Variants in ITGBL1 observed in about 807,000 individuals in gnomAD.
ITGBL1 encodes the protein integrin subunit beta like 1.
A neutral mutation model predicts 68.5 loss-of-function variants in ITGBL1; 51 were observed. The observed-to-expected ratio is 0.74, with a 90% CI of 0.59 to 0.94. ITGBL1 has a LOEUF of 0.94. Among genes scored for constraint, ITGBL1 ranks in the 40% least tolerant of loss-of-function variants. ITGBL1 has a pLI of 0.00. For synonymous variants in ITGBL1, 209 were observed against 227.3 expected, an observed-to-expected ratio of 0.92 and a Z score of 0.72; for missense variants, 649 against 647.4, an observed-to-expected ratio of 1.00 and a Z score of -0.03.
chr13:101,640,786 C>A (rs1034287877), intron 7 of ITGBL1, among the ~76,000 whole-genome samples: 1 of 152,094 alleles, frequency 6.6e-6, no homozygotes, highest in African/African-American at 2.4e-5. Context: ...CCCTCTCTCC[C>A]TTTCTAGTAG....
chr13:101,468,576 T>C (rs1439838853), intron 2 of ITGBL1, among the ~76,000 whole-genome samples: 17 of 152,198 alleles, frequency 1.1e-4, no homozygotes, highest in Admixed American at 1.1e-3. Flanking sequence ...AAAGCACATA[T>C]GTAGGGATAA....
intron 2 of ITGBL1, among the ~76,000 whole-genome samples, chr13:101,543,105 T>A (rs531212659): frequency 6.6e-6 from 1 of 152,108 alleles, no homozygotes; most frequent in Non-Finnish European, 1.5e-5. Context: ...TCATTATGAT[T>A]TTAGCTGGTT....
chr13:101,639,073 A>G (rs2139425905), intron 7 of ITGBL1, among the ~76,000 whole-genome samples: 1 of 152,310 alleles, frequency 6.6e-6, no homozygotes, highest in Non-Finnish European at 1.5e-5. Flanking sequence ...TTTCTCTCAG[A>G]AACGCCCCAG....
intron 2 of ITGBL1, among the ~76,000 whole-genome samples, chr13:101,531,626 C>A (rs2139160990): frequency 6.7e-6 from 1 of 150,332 alleles, no homozygotes; most frequent in Non-Finnish European, 1.5e-5. Context: ...AGGGGATTTA[C>A]TTTATTTCTT....
intron 9 of ITGBL1, chr13:101,711,085 A>G (rs1378265980): frequency 6.6e-6 from 1 of 152,232 alleles, no homozygotes; most frequent in African/African-American, 2.4e-5. Context: ...AGATGAGGTT[A>G]GTGCAGTGCC....
intron 2 of ITGBL1, among the ~76,000 whole-genome samples, chr13:101,525,637 C>T (rs1243329589): frequency 6.6e-6 from 1 of 151,756 alleles, no homozygotes; most frequent in Non-Finnish European, 1.5e-5. Flanking sequence ...AAGAGAAATG[C>T]ATTACTCCCA....
chr13:101,490,286 G>T (rs889335991), intron 2 of ITGBL1, among the ~76,000 whole-genome samples: 4 of 152,176 alleles, frequency 2.6e-5, no homozygotes, highest in African/African-American at 9.7e-5. Context: ...CCCTCACCAA[G>T]AACTGAATCT....
At chr13:101,693,624 GTCTA>G (rs71125018) in intron 8 of ITGBL1, among the ~76,000 whole-genome samples, 24,092 of 146,010 alleles carry the variant, frequency 0.17, 2,249 homozygotes, top group African/African-American at 0.25. Flanking sequence ...CTGTCTGTCT[GTCTA>G]TCTATCTATC....
intron 7 of ITGBL1, among the ~76,000 whole-genome samples, chr13:101,624,014 C>G (rs1006697547): frequency 6.6e-6 from 1 of 152,136 alleles, no homozygotes; most frequent in African/African-American, 2.4e-5. Context: ...TATACAATCT[C>G]TTATATTCAT....
At chr13:101,706,133 C>G (rs2139586088) in intron 8 of ITGBL1, among the ~76,000 whole-genome samples, 1 of 152,188 alleles carries the variant, frequency 6.6e-6, no homozygotes, top group African/African-American at 2.4e-5. Flanking sequence ...AGATAAACAT[C>G]TGAAAAACCA....
intron 2 of ITGBL1, among the ~76,000 whole-genome samples, chr13:101,501,262 G>A (rs1254249610): frequency 6.6e-6 from 1 of 152,158 alleles, no homozygotes; most frequent in Non-Finnish European, 1.5e-5. Flanking sequence ...TGGTGGCCCA[G>A]GCTTCCAGAA....
chr13:101,684,981 G>C (rs2139536432), intron 7 of ITGBL1, among the ~76,000 whole-genome samples: 1 of 151,954 alleles, frequency 6.6e-6, no homozygotes, highest in Admixed American at 6.6e-5. Context: ...CTTATAAAAA[G>C]AGTCATTTTA....
In ITGBL1 at chr13:101,715,832, G is replaced by T; in HGVS notation, c.*178G>T. 2.1e-6 allele frequency: 1 copy of T among 472,216 alleles called. No individual in the cohort carries two copies. Among genetic ancestry groups the T allele is most frequent in the African/African-American group, 2.0e-5 (1 of 50,372 alleles). 29.3% of individuals were successfully genotyped at this position (472,216 alleles called of 1,614,324 possible). A position where few individuals can be genotyped will look rare whatever the true frequency, so the allele number is the denominator to read the frequency against. On this transcript the variant is annotated 3_prime_UTR_variant, in exon 11 of 11. Transcript: ENST00000376180. The stretch of plus-strand genomic sequence containing the variant: ...ATTAGAAATGAGTTATGCAAATTTA[G>T]ATGCAAATAACATTAGAAAAAAAAG...
intron 2 of ITGBL1, among the ~76,000 whole-genome samples, chr13:101,513,798 T>G (rs1397602739): frequency 6.6e-6 from 1 of 152,108 alleles, no homozygotes; most frequent in East Asian, 1.9e-4. Flanking sequence ...ATTATTCACA[T>G]CTGCAGTAAT....
chr13:101,484,895 CAAAG>C (rs2048678966), intron 2 of ITGBL1, among the ~76,000 whole-genome samples: 2 of 152,028 alleles, frequency 1.3e-5, no homozygotes, highest in South Asian at 2.1e-4. Flanking sequence ...GAACTATAAA[CAAAG>C]AAATCTGAAG....
intron 2 of ITGBL1, among the ~76,000 whole-genome samples, chr13:101,532,062 A>G (rs1566718726): frequency 6.6e-6 from 1 of 152,046 alleles, no homozygotes; most frequent in East Asian, 1.9e-4. Context: ...TTACTCTCCA[A>G]TATTCAAGAC....
intron 5 of ITGBL1, among the ~76,000 whole-genome samples, chr13:101,582,606 T>C (rs1651247302): frequency 1.3e-5 from 2 of 152,184 alleles, no homozygotes. Context: ...TAGCAAACCT[T>C]ACTTCTTAGT....
intron 2 of ITGBL1, among the ~76,000 whole-genome samples, chr13:101,495,677 A>T (rs1222136369): frequency 6.6e-6 from 1 of 151,814 alleles, no homozygotes; most frequent in East Asian, 1.9e-4. Flanking sequence ...TGAAGGGCCT[A>T]CCTCCTATAA....
At chr13:101,505,817 A>T (rs2049018575) in intron 2 of ITGBL1, among the ~76,000 whole-genome samples, 1 of 152,198 alleles carries the variant, frequency 6.6e-6, no homozygotes, top group Non-Finnish European at 1.5e-5. Context: ...CTAGCCACTG[A>T]ATAGGAGGAC....
Sources: gnomAD v4.1 joint callset for allele counts (sites outside exome capture counted in the v4.1 genomes callset) on GRCh38, gnomAD v4.1.1 for gene constraint, MANE v1.5 for transcripts, NCBI Gene and HGNC (gene_info 2026-07-23, HGNC 2026-07-21) for gene names.